The following CNTNAP2 variants were observed in gnomAD, a reference collection of about 807,000 sequenced individuals.
The protein encoded by CNTNAP2 is contactin-associated protein-like 2.
CNTNAP2 carries 98 observed loss-of-function variants against 155.2 expected under a neutral mutation model. That is an observed-to-expected ratio of 0.63 (90% CI 0.54 to 0.75). The LOEUF (loss-of-function observed/expected upper bound fraction) is 0.75, where lower values mean the gene tolerates loss of function less well. CNTNAP2 is among the 30% of genes least tolerant of loss of function. CNTNAP2 has a pLI of 0.00. For missense variants in CNTNAP2, 1,727 were observed against 1,688.1 expected, an observed-to-expected ratio of 1.02 and a Z score of -0.40; for synonymous variants, 651 against 631.2, an observed-to-expected ratio of 1.03 and a Z score of -0.47.
chr7:148,019,712 C>G lies in CNTNAP2; in HGVS notation c.2383+41723C>G, dbSNP rs796494904. Among the ~76,000 whole-genome samples, 5 of 152,200 alleles carry G rather than the reference C, an allele frequency of 3.3e-5. 1 individual carries two copies. Among genetic ancestry groups the G allele is most frequent in the African/African-American group, 1.2e-4 (5 of 41,536 alleles). On this transcript the variant is annotated intron_variant, in intron 15 of 23. Coordinates refer to ENST00000361727, the MANE Select transcript of CNTNAP2 (RefSeq NM_014141.6). ...CCTCAAGTGATCCGCCTGCCTTGCC[C>G]TCCCAAAGTGCTGGGGTTACAGGTG...
intron 12 of CNTNAP2, among the ~76,000 whole-genome samples, chr7:147,621,562 G>A (rs894988047): frequency 6.6e-6 from 1 of 151,376 alleles, no homozygotes; most frequent in Non-Finnish European, 1.5e-5. Flanking sequence ...AGTGTTAGTT[G>A]TTATCAGCTT....
intron 17 of CNTNAP2, among the ~76,000 whole-genome samples, chr7:148,163,730 AT>A (rs1406958503): frequency 6.6e-6 from 1 of 152,222 alleles, no homozygotes; most frequent in Non-Finnish European, 1.5e-5. Context: ...AGCTTTTTTC[AT>A]ACTTGCCCTC....
intron 1 of CNTNAP2, among the ~76,000 whole-genome samples, chr7:146,770,783 G>A (rs936310549): frequency 6.6e-6 from 1 of 151,938 alleles, no homozygotes; most frequent in African/African-American, 2.4e-5. Flanking sequence ...CTATATTATG[G>A]TTTTATAAAT....
chr7:147,167,372 C>T, intron 8 of CNTNAP2: 1 of 1,024,618 alleles, frequency 9.8e-7, no homozygotes, highest in Non-Finnish European at 1.4e-6. Flanking sequence ...AGTACTAAGA[C>T]ATTTCTGCCA....
intron 1 of CNTNAP2, among the ~76,000 whole-genome samples, chr7:146,456,314 C>A (rs1337221064): frequency 1.3e-5 from 2 of 152,106 alleles, no homozygotes; most frequent in Admixed American, 1.3e-4. Context: ...AGCAGACTAG[C>A]AAATCACAAC....
intron 14 of CNTNAP2, among the ~76,000 whole-genome samples, chr7:147,969,995 C>G (rs181662926): frequency 1.1e-4 from 17 of 151,208 alleles, no homozygotes; most frequent in African/African-American, 3.6e-4. Context: ...GGTGGTGTAA[C>G]CTTGGCTTGC....
intron 15 of CNTNAP2, among the ~76,000 whole-genome samples, chr7:148,095,157 C>G (rs76438764): frequency 6.6e-6 from 1 of 152,296 alleles, no homozygotes; most frequent in East Asian, 1.9e-4. Context: ...AAGCTCAGTC[C>G]TGTTTTCCCC....
intron 1 of CNTNAP2, among the ~76,000 whole-genome samples, chr7:146,421,040 T>C (rs1458718033): frequency 1.3e-5 from 2 of 152,016 alleles, no homozygotes; most frequent in Non-Finnish European, 2.9e-5. Flanking sequence ...AAATGAACTT[T>C]GAAGTGAAAG....
At chr7:148,305,719 C>T (rs1215010881) in intron 21 of CNTNAP2, among the ~76,000 whole-genome samples, 1 of 152,164 alleles carries the variant, frequency 6.6e-6, no homozygotes, top group Admixed American at 6.5e-5. Context: ...CTTGAGAACC[C>T]ACTCACACTA....
chr7:146,745,902 G>T (rs546592765), intron 1 of CNTNAP2, among the ~76,000 whole-genome samples: 3 of 152,296 alleles, frequency 2.0e-5, no homozygotes, highest in East Asian at 3.9e-4. Flanking sequence ...AAGGGTGCAT[G>T]TATCTTGGAA....
At position 147,568,596 on chromosome 7, in the gene CNTNAP2, C is replaced by A. The variant is rs541235497; in HGVS notation, c.1897+6339C>A. Among the ~76,000 whole-genome samples the A allele has an allele frequency of 5.9e-5, 9 of 152,144 alleles. No individual in the cohort carries two copies. In the South Asian group the frequency reaches 1.9e-3, roughly 32 times the overall value. ...TAAAATGTGATCATTGTTAGCCTCG[C>A]CTTCCTTCTCCATTTTTATGCTCCC... On this transcript the variant is annotated intron_variant, in intron 12 of 23. Transcript: ENST00000361727.
At chr7:147,552,396 T>C (rs564370230) in intron 11 of CNTNAP2, among the ~76,000 whole-genome samples, 5 of 152,336 alleles carry the variant, frequency 3.3e-5, no homozygotes, top group Admixed American at 3.3e-4. Flanking sequence ...TAAATTAGTA[T>C]ACAAACGTAG....
intron 13 of CNTNAP2, among the ~76,000 whole-genome samples, chr7:147,784,504 T>C (rs1462139113): frequency 1.8e-4 from 4 of 21,982 alleles, no homozygotes; most frequent in Admixed American, 1.1e-3. Flanking sequence ...AATATATATA[T>C]ATATATATAT....
At position 146,352,750 on chromosome 7, in the gene CNTNAP2, G is replaced by GTTTTTTTTTTTTTTTTTTTTTTTTTTTTT. The variant is rs531124445; in HGVS notation, c.97+235798_97+235799insTTTTTTTTTTTTTTTTTTTTTTTTTTTTT. ...TTATAATTTCAATTAGCATAATTCT[G>GTTTTTTTTTTTTTTTTTTTTTTTTTTTTT]TTTTTTTTTTTTTTTTTTTTTCGAG... On this transcript the variant is annotated intron_variant, in intron 1 of 23. Coordinates refer to ENST00000361727, the MANE Select transcript of CNTNAP2 (RefSeq NM_014141.6). Among the ~76,000 whole-genome samples the GTTTTTTTTTTTTTTTTTTTTTTTTTTTTT allele has an allele frequency of 7.8e-5, 5 of 64,338 alleles. 2 individuals carry two copies. The highest frequency in any genetic ancestry group is 1.3e-4 in the African/African-American group (2 of 15,574). The allele number at this position is 64,338 out of a possible 152,430, so 42.2% of individuals were successfully genotyped here. A position where few individuals can be genotyped will look rare whatever the true frequency, so the allele number is the denominator to read the frequency against.
At position 147,422,664 on chromosome 7, in the gene CNTNAP2, A is replaced by G. The variant is rs189711105; in HGVS notation, c.1670+26884A>G. ...GATACCATCTAAGCAGAAAATAGTC[A>G]CAGATAATTAACTAAACTTAATCGT... is the stretch of plus-strand genomic sequence containing the variant. On this transcript the variant is annotated intron_variant, in intron 10 of 23. Transcript: ENST00000361727. Among the ~76,000 whole-genome samples, 3 of 152,232 alleles carry G rather than the reference A, an allele frequency of 2.0e-5. No homozygotes were observed. The East Asian group carries it at 5.8e-4, about 29-fold the overall frequency.
intron 13 of CNTNAP2, among the ~76,000 whole-genome samples, chr7:147,783,667 G>C (rs906164340): frequency 6.6e-6 from 1 of 152,198 alleles, no homozygotes; most frequent in Non-Finnish European, 1.5e-5. Context: ...TCAATGTGAT[G>C]ATATTAAGAA....
intron 9 of CNTNAP2, among the ~76,000 whole-genome samples, chr7:147,381,958 T>C (rs1303713825): frequency 6.6e-6 from 1 of 152,010 alleles, no homozygotes; most frequent in Non-Finnish European, 1.5e-5. Context: ...CCTTAAATAT[T>C]ATGAAATATT....
chr7:147,264,210 GCCTGAAAT>G (rs373485320), intron 8 of CNTNAP2, among the ~76,000 whole-genome samples: 3 of 152,136 alleles, frequency 2.0e-5, no homozygotes, highest in African/African-American at 7.2e-5. Context: ...ATTATGCAGA[GCCTGAAAT>G]CAACTCTTGG....
intron 21 of CNTNAP2, among the ~76,000 whole-genome samples, chr7:148,284,454 C>T (rs1412468386): frequency 6.6e-6 from 1 of 151,870 alleles, no homozygotes; most frequent in African/African-American, 2.4e-5. Context: ...TCCATTAAAC[C>T]TCTTTTTCTC....
Sources: gnomAD v4.1 joint callset for allele counts (sites outside exome capture counted in the v4.1 genomes callset) on GRCh38, gnomAD v4.1.1 for gene constraint, MANE v1.5 for transcripts, NCBI Gene and HGNC (gene_info 2026-07-23, HGNC 2026-07-21) for gene names.